The following KIAA0586 variants were observed in gnomAD, a reference collection of about 807,000 sequenced individuals.
KIAA0586 encodes KIAA0586, also known as protein TALPID3.
Under a neutral mutation model 169.8 loss-of-function variants are expected in KIAA0586, and 144 were observed. That is an observed-to-expected ratio of 0.85 (90% CI 0.74 to 0.97). The LOEUF is 0.97. Among genes scored for constraint, KIAA0586 ranks in the 50% least tolerant of loss-of-function variants. The probability of loss-of-function intolerance (pLI) is 0.00; values close to 1 mark genes in which losing one functional copy is unlikely to be tolerated. For missense variants in KIAA0586, 1,854 were observed against 1,823.0 expected (o/e 1.02, Z -0.31); for synonymous variants, 625 against 612.4 (o/e 1.02, Z -0.30).
rs758072367 is a variant in KIAA0586, at chr14:58,432,490, T to C, written c.410+33T>C. On this transcript the variant is annotated intron_variant, in intron 4 of 30. Transcript: ENST00000652326. ...TCATTTACAGAAAATAATTGGACCA[T>C]TTCTTATGTAAATCAGCTTCATTTG... 3.4e-6 allele frequency: 4 copies of C among 1,172,970 alleles called. No individual in the cohort carries two copies. In the South Asian group the frequency reaches 4.2e-5, roughly 12 times the overall value. 72.7% of individuals were successfully genotyped at this position (1,172,970 alleles called of 1,614,324 possible). A position where few individuals can be genotyped will look rare whatever the true frequency, so the allele number is the denominator to read the frequency against.
chr14:58,546,617 AAAT>A (rs2140146630), intron 30 of KIAA0586, among the ~76,000 whole-genome samples: 1 of 152,280 alleles, frequency 6.6e-6, no homozygotes, highest in African/African-American at 2.4e-5. Context: ...TGTTTGTTTT[AAAT>A]AATACCAAGT....
intron 21 of KIAA0586, among the ~76,000 whole-genome samples, chr14:58,484,901 TATATATATATATATATATATATA>T (rs2042299291): frequency 2.0e-4 from 1 of 4,952 alleles, no homozygotes; most frequent in Non-Finnish European, 4.3e-4. Context: ...TATATATATA[TATATATATATATATATATATATA>T]TTTTTTTTTT....
At chr14:58,498,674 A>C in intron 26 of KIAA0586, 109 bp from the exon 27 acceptor site, 1 of 919,278 alleles carries the variant, frequency 1.1e-6, no homozygotes, top group Non-Finnish European at 1.6e-6. Context: ...CAGTTTGTAA[A>C]ATACCTTCCA....
At chr14:58,444,457 A>C (rs1227458213) in intron 6 of KIAA0586, among the ~76,000 whole-genome samples, 2 of 151,940 alleles carry the variant, frequency 1.3e-5, no homozygotes, top group Non-Finnish European at 2.9e-5. Context: ...GGAGTTTGCT[A>C]TGGTTGCCCA....
In KIAA0586 at chr14:58,428,429, T is replaced by C; in HGVS notation, c.165T>C (p.Val55=). The change falls in exon 1 of 31, where the codon GTT becomes GTC. Residue 55 remains valine (V), a synonymous_variant. Transcript: ENST00000652326. The stretch of plus-strand genomic sequence containing the variant: ...TGTCTGCAAATAAACGTCTTCCTGT[T>C]GGAACGGGGACTAGTTTGAATGGAA... ...PALSANKRLP[V]GTGTSLNGTS... 2 of 1,613,962 alleles carry C rather than the reference T, an allele frequency of 1.2e-6. No individual in the cohort carries two copies. The highest frequency in any genetic ancestry group is 2.2e-5 in the South Asian group (2 of 91,090).
chr14:58,513,194 A>G (rs549287276), intron 29 of KIAA0586, among the ~76,000 whole-genome samples: 7 of 152,094 alleles, frequency 4.6e-5, no homozygotes, highest in East Asian at 3.9e-4. Flanking sequence ...TTTGTTTGCC[A>G]TCTTGCTTCT....
At chr14:58,547,753 G>T (rs776720736) in intron 30 of KIAA0586, 28 bp from the exon 31 acceptor site, 2 of 1,590,970 alleles carry the variant, frequency 1.3e-6, no homozygotes. Context: ...TACGCATGTT[G>T]AGCTGAATGA....
At chr14:58,488,951 G>GT in intron 24 of KIAA0586, 77 bp downstream of exon 24, 1 of 1,427,556 alleles carries the variant, frequency 7.0e-7, no homozygotes, top group Non-Finnish European at 9.6e-7. Context: ...TATTTAAAGT[G>GT]TTTTTACTTA....
At chr14:58,471,069 C>G (rs979629846) in intron 17 of KIAA0586, among the ~76,000 whole-genome samples, 5 of 152,102 alleles carry the variant, frequency 3.3e-5, no homozygotes, top group Admixed American at 2.0e-4. Context: ...CCAGGCTGAT[C>G]TTGAACTCCT....
At chr14:58,530,198 A>G (rs2045870246) in intron 29 of KIAA0586, among the ~76,000 whole-genome samples, 1 of 152,234 alleles carries the variant, frequency 6.6e-6, no homozygotes, top group Non-Finnish European at 1.5e-5. Flanking sequence ...ATAAGGACAC[A>G]AACAAATGGC....
chr14:58,484,892 A>T (rs865974218), intron 21 of KIAA0586, among the ~76,000 whole-genome samples: 320 of 7,050 alleles, frequency 0.045, 14 homozygotes, highest in Non-Finnish European at 0.063. Flanking sequence ...ATATATATTT[A>T]TATATATATA....
intron 9 of KIAA0586, 46 bp downstream of exon 9, chr14:58,453,519 G>A (rs750455281): frequency 4.4e-6 from 6 of 1,363,312 alleles, no homozygotes; most frequent in African/African-American, 3.1e-5. Context: ...AAAGAGTTTT[G>A]TTAAGATTTT....
At chr14:58,470,857 A>AT (rs113069874) in intron 17 of KIAA0586, 134 bp downstream of exon 17, 26,815 of 388,318 alleles carry the variant, frequency 0.069, 2 homozygotes, top group South Asian at 0.12. Flanking sequence ...ATTGAAAACA[A>AT]TTTTTTTTTT....
rs1595567771 is a variant in KIAA0586, at chr14:58,548,147, T to C, written c.*215T>C. The C allele has an allele frequency of 5.8e-6, 3 of 515,770 alleles. No individual in the cohort carries two copies. Among genetic ancestry groups the C allele is most frequent in the Non-Finnish European group, 9.8e-6 (3 of 305,150 alleles). 31.9% of individuals were successfully genotyped at this position (515,770 alleles called of 1,614,324 possible). Reference sequence around the variant, plus strand: ...ATAAGTCTGATTGTGAGTTGTTTCTTAGAATCCTGAGATAGCATAGAGTAG... The same window carrying C: ...ATAAGTCTGATTGTGAGTTGTTTCTCAGAATCCTGAGATAGCATAGAGTAG... On this transcript the variant is annotated 3_prime_UTR_variant, in exon 31 of 31. Transcript: ENST00000652326.
chr14:58,536,034 G>A (rs966392344), intron 29 of KIAA0586, among the ~76,000 whole-genome samples: 3 of 151,958 alleles, frequency 2.0e-5, no homozygotes, highest in African/African-American at 7.3e-5. Context: ...CAGAAAGTAA[G>A]CTTTGAAGCC....
At chr14:58,486,178 C>A (rs1287066254) in intron 21 of KIAA0586, among the ~76,000 whole-genome samples, 2 of 152,176 alleles carry the variant, frequency 1.3e-5, no homozygotes, top group Admixed American at 1.3e-4. Context: ...GTTTAGCTCT[C>A]ACTTATAAAT....
At chr14:58,512,665 T>A (rs1237540444) in intron 29 of KIAA0586, 38 bp downstream of exon 29, 5 of 1,046,650 alleles carry the variant, frequency 4.8e-6, no homozygotes, top group East Asian at 3.0e-5. Context: ...AATAGTTTGA[T>A]ACTTGTCTGA....
At chr14:58,459,686 T>C (rs982812613) in intron 12 of KIAA0586, among the ~76,000 whole-genome samples, 157 bp from the exon 13 acceptor site, 3 of 152,112 alleles carry the variant, frequency 2.0e-5, no homozygotes, top group African/African-American at 7.2e-5. Context: ...TTTTGATTTT[T>C]ATATATCCAA....
At chr14:58,538,953 T>G (rs1371794567) in intron 29 of KIAA0586, among the ~76,000 whole-genome samples, 1 of 152,140 alleles carries the variant, frequency 6.6e-6, no homozygotes, top group African/African-American at 2.4e-5. Context: ...CTACTTTTTG[T>G]ATTTTTTGTA....
Sources: gnomAD v4.1 joint callset for allele counts (sites outside exome capture counted in the v4.1 genomes callset) on GRCh38, gnomAD v4.1.1 for gene constraint, MANE v1.5 for transcripts, NCBI Gene and HGNC (gene_info 2026-07-23, HGNC 2026-07-21) for gene names.